The following HAAO variants were observed in gnomAD, a reference collection of about 807,000 sequenced individuals.
The protein encoded by HAAO is 3-hydroxyanthranilate 3,4-dioxygenase.
A neutral mutation model predicts 46.2 loss-of-function variants in HAAO; 49 were observed. That is an observed-to-expected ratio of 1.06 (90% confidence interval 0.84 to 1.34). The LOEUF is 1.34. HAAO is among the 40% of genes most tolerant of loss of function. HAAO has a pLI of 0.00. For synonymous variants in HAAO, 157 were observed against 145.2 expected (o/e 1.08, Z -0.58); for missense variants, 408 against 364.5 (o/e 1.12, Z -0.97).
chr2:42,782,969 T>C (rs565427791), intron 4 of HAAO: 4 of 431,088 alleles, frequency 9.3e-6, no homozygotes, highest in East Asian at 6.1e-5. Context: ...CGGGCACACG[T>C]CCTCAACCTT....
intron 4 of HAAO, among the ~76,000 whole-genome samples, chr2:42,778,386 T>A (rs1671747533): frequency 6.6e-6 from 1 of 152,072 alleles, no homozygotes; most frequent in African/African-American, 2.4e-5. Context: ...TGGAGCACAG[T>A]GGCATGATCT....
Position 42,786,748 on chromosome 2 carries a change from G to A in HAAO, c.159+1781C>T, listed in dbSNP as rs903667146. Among the ~76,000 whole-genome samples, 5 of 152,198 alleles carry A rather than the reference G, an allele frequency of 3.3e-5. No homozygotes were observed. In the East Asian group the frequency reaches 5.8e-4, roughly 18 times the overall value. On this transcript the variant is annotated intron_variant, in intron 2 of 9. Coordinates refer to ENST00000294973, the MANE Select transcript of HAAO (RefSeq NM_012205.3). ...AGGTGGAGTATAGGTGGTAGGTGGCGCTGGGGAGTGGGGAGCCGGGCCAGG... is the reference window on the plus strand; with the variant it reads ...AGGTGGAGTATAGGTGGTAGGTGGCACTGGGGAGTGGGGAGCCGGGCCAGG...
At chr2:42,775,968 A>C (rs913213811) in intron 4 of HAAO, among the ~76,000 whole-genome samples, 2 of 150,388 alleles carry the variant, frequency 1.3e-5, no homozygotes, top group African/African-American at 4.9e-5. Flanking sequence ...CCTTTGGCTA[A>C]GATCAAATGT....
At chr2:42,785,737 C>T (rs1465755923) in intron 2 of HAAO, among the ~76,000 whole-genome samples, 1 of 151,940 alleles carries the variant, frequency 6.6e-6, no homozygotes, top group Non-Finnish European at 1.5e-5. Flanking sequence ...TGATGTGTGC[C>T]TGTAGTCCTA....
chr2:42,782,868 C>A (rs371134495), intron 4 of HAAO: 1 of 461,542 alleles, frequency 2.2e-6, no homozygotes. Context: ...ATATATTGAT[C>A]GGTGTCTCAT....
intron 3 of HAAO, 62 bp from the exon 4 acceptor site, chr2:42,783,482 C>G: frequency 9.3e-7 from 1 of 1,076,896 alleles, no homozygotes; most frequent in Middle Eastern, 2.5e-4. Flanking sequence ...CCTTAGCGCC[C>G]CCAACATCCT....
chr2:42,782,365 C>T (rs76555482), intron 4 of HAAO, among the ~76,000 whole-genome samples: 3,534 of 152,208 alleles, frequency 0.023, 54 homozygotes, highest in African/African-American at 0.042. Context: ...TGTTGTTTTT[C>T]TCCCTTCCTC....
rs1670933297 is a variant in HAAO at position 42,769,585 on chromosome 2, G to C, written c.630+128C>G. On this transcript the variant is annotated intron_variant, in intron 7 of 9. Transcript: ENST00000294973. ...ACCTCTGAAATGTGTGTGTGTGTGT[G>C]TGTGTGTGTGTGTGTGTGTGAGTGT... The C allele has an allele frequency of 3.6e-5, 24 of 661,230 alleles. No homozygotes were observed. In the South Asian group the frequency reaches 4.0e-4, roughly 11 times the overall value. 41.0% of individuals were successfully genotyped at this position (661,230 alleles called of 1,614,324 possible). A position where few individuals can be genotyped will look rare whatever the true frequency, so the allele number is the denominator to read the frequency against.
intron 4 of HAAO, among the ~76,000 whole-genome samples, chr2:42,777,303 C>CAAAAAAAA (rs1215772853): frequency 1.1e-3 from 45 of 39,968 alleles, no homozygotes; most frequent in Non-Finnish European, 1.4e-3. Flanking sequence ...ACTCTTATCG[C>CAAAAAAAA]AAAAAAAAAA....
At chr2:42,792,423 G>A (rs982538633) in intron 1 of HAAO, 34 bp downstream of exon 1, 1 of 1,317,052 alleles carries the variant, frequency 7.6e-7, no homozygotes, top group Non-Finnish European at 1.1e-6. Flanking sequence ...GAGGAGGCGA[G>A]GGCAGGGGGC....
At chr2:42,779,256 A>G in intron 4 of HAAO, among the ~76,000 whole-genome samples, 1 of 152,208 alleles carries the variant, frequency 6.6e-6, no homozygotes, top group South Asian at 2.1e-4. Flanking sequence ...AATATAGGTT[A>G]TGAAAGGTTT....
At chr2:42,784,835 G>A (rs1011112396) in intron 2 of HAAO, among the ~76,000 whole-genome samples, 8 of 152,204 alleles carry the variant, frequency 5.3e-5, no homozygotes, top group Non-Finnish European at 1.2e-4. Context: ...GGCGTGAAGT[G>A]CCTTGGCAGT....
At chr2:42,775,947 T>C (rs1026620734) in intron 4 of HAAO, among the ~76,000 whole-genome samples, 2 of 151,554 alleles carry the variant, frequency 1.3e-5, no homozygotes, top group Non-Finnish European at 2.9e-5. Flanking sequence ...TGTGGTTTTA[T>C]CGCTTCTGGG....
chr2:42,791,206 G>GAC (rs1404151533), intron 1 of HAAO, among the ~76,000 whole-genome samples: 2 of 152,190 alleles, frequency 1.3e-5, no homozygotes, highest in Non-Finnish European at 1.5e-5. Context: ...TTTGGACACA[G>GAC]ACACACACAC....
chr2:42,784,801 C>T (rs1672272697), intron 2 of HAAO, among the ~76,000 whole-genome samples: 1 of 152,228 alleles, frequency 6.6e-6, no homozygotes, highest in Non-Finnish European at 1.5e-5. Flanking sequence ...AGTCACCACC[C>T]TTCTGAAGGG....
intron 7 of HAAO, 23 bp from the exon 8 acceptor site, chr2:42,767,951 C>T: frequency 1.2e-6 from 2 of 1,605,198 alleles, no homozygotes; most frequent in East Asian, 2.2e-5. Flanking sequence ...GAAACAGAAA[C>T]TTCTGGTGCT....
chr2:42,782,581 T>C (rs1558670686), intron 4 of HAAO, among the ~76,000 whole-genome samples: 1 of 152,192 alleles, frequency 6.6e-6, no homozygotes, highest in Non-Finnish European at 1.5e-5. Context: ...AAGGAAAATA[T>C]CTTGGGCCCC....
chr2:42,792,525 G>A lies in HAAO; in HGVS notation c.12C>T (p.Arg4=). 1 of 1,591,790 alleles carries A rather than the reference G, an allele frequency of 6.3e-7. No individual in the cohort carries two copies. Among genetic ancestry groups the A allele is most frequent in the Non-Finnish European group, 8.5e-7 (1 of 1,169,856 alleles). ...CCTTCACCCAGGCCCTCACTCCCAG[G>A]CGGCGCTCCATGACTGTCCCGGGCG... MER[R]LGVRAWVKEN... is the part of the protein sequence containing the mutation. Residue 4 remains arginine, a synonymous_variant, in exon 1 of 10, where the codon CGC becomes CGT. Coordinates refer to ENST00000294973, the MANE Select transcript of HAAO (RefSeq NM_012205.3).
intron 2 of HAAO, among the ~76,000 whole-genome samples, chr2:42,785,322 A>G (rs1298801771): frequency 6.6e-6 from 1 of 152,242 alleles, no homozygotes; most frequent in Non-Finnish European, 1.5e-5. Flanking sequence ...CAAAATATGG[A>G]ACATTATGCA....
Sources: gnomAD v4.1 joint callset for allele counts (sites outside exome capture counted in the v4.1 genomes callset) on GRCh38, gnomAD v4.1.1 for gene constraint, MANE v1.5 for transcripts, NCBI Gene and HGNC (gene_info 2026-07-23, HGNC 2026-07-21) for gene names.